GRIK2: variants seen among roughly 807,000 people sequenced by gnomAD.
The protein encoded by GRIK2 is glutamate receptor ionotropic, kainate 2.
A neutral mutation model predicts 100.3 loss-of-function variants in GRIK2; 32 were observed. That is an observed-to-expected ratio of 0.32 (90% CI 0.24 to 0.43). The LOEUF is 0.43. Among genes scored for constraint, GRIK2 ranks in the 20% least tolerant of loss-of-function variants. The pLI, the probability that GRIK2 is intolerant of heterozygous loss-of-function variation, is 1.00. For synonymous variants in GRIK2, 417 were observed against 389.4 expected (o/e 1.07, Z -0.83); for missense variants, 843 against 1,114.9 (o/e 0.76, Z 3.47).
chr6:101,553,641 A>G (rs1776611967), intron 2 of GRIK2, among the ~76,000 whole-genome samples: 1 of 152,192 alleles, frequency 6.6e-6, no homozygotes, highest in Non-Finnish European at 1.5e-5. Flanking sequence ...ATCTATGCAC[A>G]GAACTAATAA....
At chr6:101,396,453 T>A (rs2852508) in intron 1 of GRIK2, among the ~76,000 whole-genome samples, 37,837 of 151,978 alleles carry the variant, frequency 0.25, 5,254 homozygotes, top group African/African-American at 0.36. Flanking sequence ...GTACTGACAA[T>A]CAAGTAGTTT....
At chr6:101,598,340 C>T (rs979286298) in intron 2 of GRIK2, among the ~76,000 whole-genome samples, 3 of 151,604 alleles carry the variant, frequency 2.0e-5, no homozygotes, top group Non-Finnish European at 4.4e-5. Context: ...ATCCTGCGGG[C>T]AACACCAGTT....
intron 14 of GRIK2, among the ~76,000 whole-genome samples, chr6:102,015,111 A>G (rs1415087633): frequency 2.0e-5 from 3 of 152,162 alleles, no homozygotes; most frequent in Admixed American, 6.5e-5. Context: ...TGATTTAGGA[A>G]TCTGGGTGCT....
chr6:101,935,877 T>C (rs1790584459), intron 14 of GRIK2, among the ~76,000 whole-genome samples: 1 of 152,042 alleles, frequency 6.6e-6, no homozygotes, highest in Admixed American at 6.6e-5. Context: ...AAAATGTTCC[T>C]CAAACATGAC....
intron 2 of GRIK2, among the ~76,000 whole-genome samples, chr6:101,534,988 C>G (rs553528353): frequency 1.3e-5 from 2 of 151,688 alleles, no homozygotes; most frequent in Non-Finnish European, 3.0e-5. Context: ...ATTAGTTTGA[C>G]ATTATTTTGC....
intron 10 of GRIK2, among the ~76,000 whole-genome samples, chr6:101,827,502 A>G (rs1369427908): frequency 2.0e-5 from 3 of 151,848 alleles, no homozygotes; most frequent in African/African-American, 7.3e-5. Flanking sequence ...AAAAACCAAT[A>G]TCAGTCTTTC....
intron 10 of GRIK2, among the ~76,000 whole-genome samples, chr6:101,850,946 C>T (rs1270861415): frequency 1.3e-5 from 2 of 151,980 alleles, no homozygotes; most frequent in Non-Finnish European, 1.5e-5. Context: ...CCGTGTGAAA[C>T]AGAGAAAGAG....
intron 7 of GRIK2, among the ~76,000 whole-genome samples, chr6:101,687,024 T>C (rs1771749245): frequency 1.3e-5 from 2 of 152,092 alleles, no homozygotes; most frequent in South Asian, 2.1e-4. Flanking sequence ...CTCCAAAAGA[T>C]AGGTAAAAAT....
intron 15 of GRIK2, among the ~76,000 whole-genome samples, chr6:102,043,833 A>G (rs937118566): frequency 2.7e-5 from 2 of 73,840 alleles, no homozygotes; most frequent in Non-Finnish European, 7.0e-5. Flanking sequence ...TCCCACCAAC[A>G]GTATGCAAGG....
chr6:101,414,882 T>C (rs1177168891), intron 2 of GRIK2, among the ~76,000 whole-genome samples: 1 of 152,058 alleles, frequency 6.6e-6, no homozygotes, highest in Admixed American at 6.6e-5. Flanking sequence ...CCACTGGTAG[T>C]CTCTGCCACA....
At chr6:101,688,304 G>T (rs1051822895) in intron 7 of GRIK2, among the ~76,000 whole-genome samples, 1 of 151,458 alleles carries the variant, frequency 6.6e-6, no homozygotes, top group Non-Finnish European at 1.5e-5. Context: ...TGACTAATGT[G>T]CCCCTTCATG....
chr6:101,985,890 C>T (rs11756377), intron 14 of GRIK2, among the ~76,000 whole-genome samples: 1 of 150,862 alleles, frequency 6.6e-6, no homozygotes, highest in Non-Finnish European at 1.5e-5. Context: ...TAATATTTTC[C>T]CCTCATTACA....
At chr6:101,809,120 T>C (rs1781176639) in intron 9 of GRIK2, among the ~76,000 whole-genome samples, 1 of 151,894 alleles carries the variant, frequency 6.6e-6, no homozygotes, top group South Asian at 2.1e-4. Context: ...ATTTTAACTT[T>C]TAACACTTAT....
At chr6:101,977,301 C>G (rs1304633956) in intron 14 of GRIK2, among the ~76,000 whole-genome samples, 1 of 150,632 alleles carries the variant, frequency 6.6e-6, no homozygotes, top group Non-Finnish European at 1.5e-5. Context: ...TTCTGTGAAC[C>G]AGATGCCAAG....
chr6:101,592,465 A>G lies in GRIK2; in HGVS notation c.116-29484A>G, dbSNP rs563240469. ...ACCTAGAAAGGAGGTATGCTTTGGT[A>G]AAAAACTTCAGCTGAGGCAATTCCT... On this transcript the variant is annotated intron_variant, in intron 2 of 16. Transcript: ENST00000369134. Among the ~76,000 whole-genome samples, 5 of 150,808 alleles carry G rather than the reference A, an allele frequency of 3.3e-5. No individual in the cohort carries two copies. The South Asian group carries it at 6.3e-4, about 19-fold the overall frequency.
chr6:101,719,608 G>A (rs1774332289), intron 7 of GRIK2, among the ~76,000 whole-genome samples: 1 of 151,894 alleles, frequency 6.6e-6, no homozygotes, highest in African/African-American at 2.4e-5. Context: ...ATGCACTAAT[G>A]GCACTGCTGT....
intron 2 of GRIK2, among the ~76,000 whole-genome samples, chr6:101,495,371 T>TCCCA (rs1773385512): frequency 6.6e-6 from 1 of 151,964 alleles, no homozygotes; most frequent in Admixed American, 6.6e-5. Flanking sequence ...CCAGGCGTGG[T>TCCCA]GGCGGGCACC....
intron 14 of GRIK2, among the ~76,000 whole-genome samples, chr6:101,999,225 T>C (rs186895446): frequency 6.6e-6 from 1 of 152,198 alleles, no homozygotes; most frequent in Non-Finnish European, 1.5e-5. Flanking sequence ...TTCTAGATAT[T>C]TTGCATTTCT....
intron 12 of GRIK2, among the ~76,000 whole-genome samples, chr6:101,922,083 C>T (rs1789560213): frequency 2.3e-5 from 1 of 43,744 alleles, no homozygotes; most frequent in African/African-American, 1.0e-4. Context: ...CCATTTCCTT[C>T]CTTCCTTCCT....
Sources: allele counts gnomAD v4.1 joint callset (sites outside exome capture counted in the v4.1 genomes callset), GRCh38; gene constraint gnomAD v4.1.1; transcripts MANE v1.5; gene names NCBI Gene and HGNC (gene_info 2026-07-23, HGNC 2026-07-21).